Variants in OR11A1 observed in about 807,000 individuals in gnomAD.
OR11A1 encodes the protein olfactory receptor 11A1.
For synonymous variants in OR11A1, 158 were observed against 152.2 expected (o/e 1.04, Z -0.28); for missense variants, 380 against 378.2 (o/e 1.00, Z -0.04).
At chr6:29,429,786 G>A (rs754580821) in intron 3 of OR11A1, among the ~76,000 whole-genome samples, 2 of 152,166 alleles carry the variant, frequency 1.3e-5, no homozygotes, top group Non-Finnish European at 2.9e-5. Flanking sequence ...GGTGAAGAAT[G>A]GGGGAAGACA....
chr6:29,438,270 A>G (rs2151377340), intron 1 of OR11A1, among the ~76,000 whole-genome samples: 1 of 152,310 alleles, frequency 6.6e-6, no homozygotes, highest in East Asian at 1.9e-4. Context: ...ATGCAAAGAA[A>G]GATTTGTATA....
At chr6:29,444,081 T>C (rs1388422743) in intron 1 of OR11A1, among the ~76,000 whole-genome samples, 1 of 152,040 alleles carries the variant, frequency 6.6e-6, no homozygotes, top group Non-Finnish European at 1.5e-5. Flanking sequence ...ATAATTCCCA[T>C]GTGTTGTGGG....
intron 2 of OR11A1, 133 bp from the exon 3 acceptor site, chr6:29,430,558 A>C: frequency 2.4e-5 from 11 of 458,364 alleles, no homozygotes; most frequent in Non-Finnish European, 3.2e-5. Flanking sequence ...GAAATATCTC[A>C]GAAACAGAAA....
rs1392217761 is a variant in OR11A1 at position 29,426,829 on chromosome 6, G to GAA, written c.812_813insTT (p.Lys273ProfsTer18). 2 of 1,612,920 alleles carry GAA rather than the reference G, an allele frequency of 1.2e-6. No individual in the cohort carries two copies. Among genetic ancestry groups the GAA allele is most frequent in the Non-Finnish European group, 8.5e-7 (1 of 1,179,964 alleles). The stretch of plus-strand genomic sequence containing the variant: ...TGTAGAGCAGGGAGAAGACCTTGGA[G>GAA]AGGAGCTGGGAATGGACAGCAGAGG... On this transcript the variant is annotated frameshift_variant, in exon 5 of 5. Transcript: ENST00000377149. LOFTEE classifies it low-confidence loss of function (END_TRUNC).
intron 1 of OR11A1, among the ~76,000 whole-genome samples, chr6:29,443,665 G>C (rs762253754): frequency 2.0e-5 from 3 of 152,158 alleles, no homozygotes; most frequent in African/African-American, 7.2e-5. Context: ...TAAATACATA[G>C]ATGTGAAATG....
chr6:29,448,731 T>C (rs1785033952), intron 1 of OR11A1, among the ~76,000 whole-genome samples: 1 of 152,206 alleles, frequency 6.6e-6, no homozygotes, highest in African/African-American at 2.4e-5. Flanking sequence ...CTGGACACTT[T>C]GACCTCTGGT....
chr6:29,437,615 G>T (rs1172914140), intron 1 of OR11A1, among the ~76,000 whole-genome samples: 1 of 151,516 alleles, frequency 6.6e-6, no homozygotes, highest in Non-Finnish European at 1.5e-5. Flanking sequence ...TCTTTGCTTT[G>T]TCTTTAAAGA....
chr6:29,431,838 A>G, intron 2 of OR11A1, 26 bp downstream of exon 2: 1 of 984,818 alleles, frequency 1.0e-6, no homozygotes, highest in East Asian at 1.1e-4. Flanking sequence ...ACTAAGCTGT[A>G]AAGAATTTTA....
chr6:29,444,811 C>T (rs1229910722), intron 1 of OR11A1, among the ~76,000 whole-genome samples: 1 of 152,142 alleles, frequency 6.6e-6, no homozygotes, highest in Non-Finnish European at 1.5e-5. Context: ...CCTCACATCT[C>T]CCTTACTCAC....
At chr6:29,440,859 C>G in intron 1 of OR11A1, 1 of 1,613,860 alleles carries the variant, frequency 6.2e-7, no homozygotes, top group Non-Finnish European at 8.5e-7. Flanking sequence ...TGTGGTCACC[C>G]CCATCCTCAA....
At chr6:29,451,059 G>T (rs565576356) in intron 1 of OR11A1, among the ~76,000 whole-genome samples, 1 of 152,000 alleles carries the variant, frequency 6.6e-6, no homozygotes, top group Non-Finnish European at 1.5e-5. Context: ...AAATAATGCC[G>T]CACACCTACA....
At chr6:29,442,310 C>T (rs60801705) in intron 1 of OR11A1, among the ~76,000 whole-genome samples, 1,899 of 152,196 alleles carry the variant, frequency 0.012, 41 homozygotes, top group African/African-American at 0.038. Context: ...AATATAAGGG[C>T]TATGATATGC....
intron 1 of OR11A1, among the ~76,000 whole-genome samples, chr6:29,436,067 G>T (rs1485610174): frequency 6.6e-6 from 1 of 152,118 alleles, no homozygotes; most frequent in Non-Finnish European, 1.5e-5. Context: ...AAAGTCACCT[G>T]CTCCCTAACA....
chr6:29,441,018 G>A, intron 1 of OR11A1: 4 of 1,068,202 alleles, frequency 3.7e-6, no homozygotes, highest in Non-Finnish European at 2.8e-6. Context: ...AAGGATCAAA[G>A]AGTCTCCCTT....
intron 1 of OR11A1, chr6:29,439,961 T>C: frequency 1.4e-6 from 2 of 1,395,368 alleles, no homozygotes; most frequent in Non-Finnish European, 2.0e-6. Context: ...GATTCCATAG[T>C]TGTGATTTTT....
intron 1 of OR11A1, chr6:29,440,872 C>T (rs17184058): frequency 2.2e-5 from 36 of 1,613,796 alleles, no homozygotes; most frequent in Non-Finnish European, 2.9e-5. Flanking sequence ...ATCCTCAACC[C>T]CATCATCTAC....
chr6:29,439,352 T>A (rs1783900401), intron 1 of OR11A1: 1 of 152,230 alleles, frequency 6.6e-6, no homozygotes, highest in African/African-American at 2.4e-5. Flanking sequence ...TGCCTGAGCA[T>A]GTTTTAAAAC....
chr6:29,428,816 A>T, intron 4 of OR11A1, 97 bp downstream of exon 4: 1 of 229,902 alleles, frequency 4.3e-6, no homozygotes. Flanking sequence ...AGGAAACCAG[A>T]CCAGGCAGGG....
intron 4 of OR11A1, 76 bp from the exon 5 acceptor site, chr6:29,427,808 C>A: frequency 9.0e-7 from 1 of 1,106,136 alleles, no homozygotes; most frequent in Non-Finnish European, 1.2e-6. Context: ...TTCAACTATC[C>A]CCCTTCTTAG....
Sources: gnomAD v4.1 joint callset for allele counts (sites outside exome capture counted in the v4.1 genomes callset) on GRCh38, gnomAD v4.1.1 for gene constraint, MANE v1.5 for transcripts, NCBI Gene and HGNC (gene_info 2026-07-23, HGNC 2026-07-21) for gene names.